The following MYO10 variants were observed in gnomAD, a reference collection of about 807,000 sequenced individuals.
MYO10 encodes myosin X.
Under a neutral mutation model 257.3 loss-of-function variants are expected in MYO10, and 133 were observed. The observed-to-expected ratio is 0.52, with a 90% CI of 0.45 to 0.60. The LOEUF is 0.60. Among genes scored for constraint, MYO10 ranks in the 20% least tolerant of loss-of-function variants. The pLI is 0.00. For missense variants in MYO10, 2,399 were observed against 2,635.7 expected (o/e 0.91, Z 1.97); for synonymous variants, 1,104 against 1,028.6 (o/e 1.07, Z -1.40).
rs769791392 is a variant in MYO10, at chr5:16,694,618, T to C, written c.3557-4A>G. The C allele has an allele frequency of 6.2e-6, 10 of 1,613,516 alleles. No individual in the cohort carries two copies. Among genetic ancestry groups the C allele is most frequent in the Admixed American group, 1.7e-5 (1 of 60,028 alleles). On this transcript the variant is annotated splice_polypyrimidine_tract_variant and splice_region_variant and intron_variant, in intron 26 of 40. Coordinates refer to ENST00000513610, the MANE Select transcript of MYO10 (RefSeq NM_012334.3). ...TTCCAAGAGTTCATCAGGCCACCTG[T>C]TCCCCGTGAGATTGGGTAGAGAGGG... is the stretch of plus-strand genomic sequence containing the variant.
chr5:16,672,721 G>A lies in MYO10; in HGVS notation c.5277C>T (p.Thr1759=), dbSNP rs772660920. The change falls in exon 37 of 41, where the codon ACC becomes ACT. Residue 1759 remains threonine, a synonymous_variant. Coordinates refer to ENST00000513610, the MANE Select transcript of MYO10 (RefSeq NM_012334.3). The part of the protein sequence containing the change: ...GHVDKAIESR[T]VVADVLAKFE... ...ACTTGGCTAAGACATCAGCTACGAC[G>A]GTTCGACTTTCAATGGCTTTGTCGA... The A allele has an allele frequency of 2.9e-5, 46 of 1,613,866 alleles. No individual in the cohort carries two copies. The highest frequency in any genetic ancestry group is 9.3e-5 in the African/African-American group (7 of 74,924).
At chr5:16,698,623 G>GA (rs1737872863) in intron 26 of MYO10, among the ~76,000 whole-genome samples, 1 of 113,860 alleles carries the variant, frequency 8.8e-6, no homozygotes, top group Non-Finnish European at 1.7e-5. Context: ...AGAACATGCA[G>GA]TTTTTTTTTT....
At chr5:16,863,256 A>G (rs1744155570) in intron 2 of MYO10, among the ~76,000 whole-genome samples, 1 of 152,256 alleles carries the variant, frequency 6.6e-6, no homozygotes, top group African/African-American at 2.4e-5. Context: ...AAATAGTCCT[A>G]ACAGATCTGA....
intron 2 of MYO10, among the ~76,000 whole-genome samples, chr5:16,826,258 A>G (rs1047665683): frequency 6.6e-6 from 1 of 152,312 alleles, no homozygotes; most frequent in East Asian, 1.9e-4. Flanking sequence ...TCCTAGATCT[A>G]TGCTACCTAT....
At chr5:16,703,241 A>G (rs1738169452) in intron 22 of MYO10, 83 bp from the exon 23 acceptor site, 1 of 1,045,060 alleles carries the variant, frequency 9.6e-7, no homozygotes, top group Non-Finnish European at 1.4e-6. Context: ...CAAGGCTACA[A>G]GACAAAAGAG....
At chr5:16,887,638 G>C (rs253471) in intron 1 of MYO10, among the ~76,000 whole-genome samples, 2 of 152,058 alleles carry the variant, frequency 1.3e-5, no homozygotes, top group Non-Finnish European at 2.9e-5. Flanking sequence ...CTACAGGTGC[G>C]CACCACCACA....
rs769512428 is a variant in MYO10 at position 16,673,773 on chromosome 5, A to C, written c.5081T>G (p.Leu1694Arg). The C allele has an allele frequency of 1.9e-6, 3 of 1,613,926 alleles. No homozygotes were observed. The highest frequency in any genetic ancestry group is 2.7e-5 in the African/African-American group (2 of 74,938). Residue 1694 changes from leucine (L) to arginine (R), a missense_variant, in exon 36 of 41, where the codon CTG becomes CGG. Coordinates refer to ENST00000513610, the MANE Select transcript of MYO10 (RefSeq NM_012334.3). ...GGATGTCATTTCCTGCCTGTGGATC[A>C]GAGCTTCTATTTCATCTCGGGAAGG... Reference protein sequence around the residue: ...FVPSRDEIEALIHRQEMTSTV... With the variant: ...FVPSRDEIEARIHRQEMTSTV...
At position 16,936,038 on chromosome 5, in the gene MYO10, T is replaced by C; in HGVS notation, c.-230A>G. 2 of 584,706 alleles carry C rather than the reference T, an allele frequency of 3.4e-6. No homozygotes were observed. The highest frequency in any genetic ancestry group is 6.1e-6 in the Non-Finnish European group (2 of 327,588). The allele number at this position is 584,706 out of a possible 1,614,324, so 36.2% of individuals were successfully genotyped here. On this transcript the variant is annotated 5_prime_UTR_variant, in exon 1 of 41. Transcript: ENST00000513610. Reference sequence around the variant, plus strand: ...GACGGCAGCCTTTGTCTCTTCTTCCTCCAAGTTCCTCACTACTGGGCGCAG... The same window carrying C: ...GACGGCAGCCTTTGTCTCTTCTTCCCCCAAGTTCCTCACTACTGGGCGCAG...
intron 1 of MYO10, among the ~76,000 whole-genome samples, chr5:16,935,561 C>A (rs1040674825): frequency 2.0e-5 from 3 of 152,148 alleles, no homozygotes; most frequent in Non-Finnish European, 4.4e-5. Flanking sequence ...GGAAACGCAC[C>A]TTCGCTACCT....
At chr5:16,668,208 G>C in intron 40 of MYO10, 69 bp downstream of exon 40, 1 of 1,471,894 alleles carries the variant, frequency 6.8e-7, no homozygotes, top group Non-Finnish European at 9.2e-7. Flanking sequence ...AAGGCATGAG[G>C]AAATGGGGTC....
At chr5:16,726,256 G>A (rs914364365) in intron 19 of MYO10, among the ~76,000 whole-genome samples, 47 of 152,180 alleles carry the variant, frequency 3.1e-4, no homozygotes, top group African/African-American at 9.9e-4. Context: ...CTGGCACATA[G>A]GTTGGTTTGT....
At chr5:16,932,812 A>G (rs1192997423) in intron 1 of MYO10, among the ~76,000 whole-genome samples, 1 of 152,146 alleles carries the variant, frequency 6.6e-6, no homozygotes, top group African/African-American at 2.4e-5. Flanking sequence ...ATTTTGTGAC[A>G]CAGGGTCTGT....
chr5:16,789,015 A>T (rs1359957778), intron 4 of MYO10, among the ~76,000 whole-genome samples: 1 of 152,168 alleles, frequency 6.6e-6, no homozygotes, highest in Non-Finnish European at 1.5e-5. Flanking sequence ...AAGGAAAAGG[A>T]ATCTGATACG....
intron 4 of MYO10, among the ~76,000 whole-genome samples, chr5:16,788,209 C>T (rs189843205): frequency 6.0e-4 from 91 of 152,092 alleles, no homozygotes; most frequent in Non-Finnish European, 1.1e-3. Context: ...AAGTGAGAGG[C>T]CCAAGAAAGA....
At chr5:16,777,607 A>C (rs1448992034) in intron 9 of MYO10, among the ~76,000 whole-genome samples, 1 of 152,142 alleles carries the variant, frequency 6.6e-6, no homozygotes, top group Non-Finnish European at 1.5e-5. Flanking sequence ...ATCCAGAGTT[A>C]GACTGTGTAT....
At chr5:16,696,025 C>A (rs1014878858) in intron 26 of MYO10, among the ~76,000 whole-genome samples, 11 of 152,210 alleles carry the variant, frequency 7.2e-5, no homozygotes, top group Admixed American at 7.2e-4. Context: ...TTTCTCAAAA[C>A]AAGCCTGGAG....
chr5:16,916,751 C>T (rs535966799), intron 1 of MYO10, among the ~76,000 whole-genome samples: 2 of 152,278 alleles, frequency 1.3e-5, no homozygotes, highest in South Asian at 2.1e-4. Context: ...AAAAACCACA[C>T]ACTTACTCAT....
chr5:16,869,384 C>T (rs1012605722), intron 2 of MYO10, among the ~76,000 whole-genome samples: 2 of 151,714 alleles, frequency 1.3e-5, no homozygotes, highest in African/African-American at 4.8e-5. Context: ...GCCAGGAGTT[C>T]CAGACCAGCC....
chr5:16,759,482 TGG>T (rs1410547673), intron 17 of MYO10, among the ~76,000 whole-genome samples: 2 of 152,248 alleles, frequency 1.3e-5, no homozygotes, highest in Non-Finnish European at 2.9e-5. Flanking sequence ...AGAGAAGCTT[TGG>T]TTCCATTAAA....
Sources: allele counts gnomAD v4.1 joint callset (sites outside exome capture counted in the v4.1 genomes callset), GRCh38; gene constraint gnomAD v4.1.1; transcripts MANE v1.5; gene names NCBI Gene and HGNC (gene_info 2026-07-23, HGNC 2026-07-21).